ZNF280D: variants seen among roughly 807,000 people sequenced by gnomAD.
The protein encoded by ZNF280D is suppressor of hairy wing homolog 4.
Under a neutral mutation model 94.7 loss-of-function variants are expected in ZNF280D, and 39 were observed. The observed-to-expected ratio is 0.41, with a 90% CI of 0.32 to 0.54. The LOEUF is 0.54. Among genes scored for constraint, ZNF280D ranks in the 20% least tolerant of loss-of-function variants. ZNF280D has a pLI of 0.22. For synonymous variants in ZNF280D, 398 were observed against 377.6 expected, an observed-to-expected ratio of 1.05 and a Z score of -0.63; for missense variants, 1,090 against 1,149.3, an observed-to-expected ratio of 0.95 and a Z score of 0.75.
At chr15:56,719,263 G>T in intron 1 of ZNF280D, among the ~76,000 whole-genome samples, 1 of 152,026 alleles carries the variant, frequency 6.6e-6, no homozygotes, top group East Asian at 1.9e-4. Context: ...CTCACCAATG[G>T]CTTGGTGCTG....
intron 1 of ZNF280D, among the ~76,000 whole-genome samples, chr15:56,710,470 A>C (rs1249345055): frequency 6.6e-6 from 1 of 152,010 alleles, no homozygotes; most frequent in Non-Finnish European, 1.5e-5. Context: ...TTCAACTACT[A>C]ACTCAGGTAC....
chr15:56,716,045 C>T (rs1304081551), intron 1 of ZNF280D, among the ~76,000 whole-genome samples: 1 of 152,140 alleles, frequency 6.6e-6, no homozygotes, highest in African/African-American at 2.4e-5. Context: ...CCAAGTACTA[C>T]ACCATGTTAT....
intron 19 of ZNF280D, among the ~76,000 whole-genome samples, chr15:56,643,415 G>C (rs755148102): frequency 1.6e-4 from 24 of 151,570 alleles, no homozygotes; most frequent in South Asian, 2.1e-4. Flanking sequence ...AGTGAAAAAA[G>C]ATAAATATTT....
At chr15:56,688,006 C>A (rs1187030883) in intron 9 of ZNF280D, among the ~76,000 whole-genome samples, 1 of 151,964 alleles carries the variant, frequency 6.6e-6, no homozygotes, top group Non-Finnish European at 1.5e-5. Context: ...TCCTTCTTTT[C>A]CTTATATAAT....
chr15:56,652,828 G>T (rs1412762001), intron 19 of ZNF280D: 1 of 983,062 alleles, frequency 1.0e-6, no homozygotes, highest in Non-Finnish European at 1.2e-6. Flanking sequence ...AATGTTTAAT[G>T]GGCTTAGTAA....
At chr15:56,674,045 G>T (rs1426440307) in intron 13 of ZNF280D, among the ~76,000 whole-genome samples, 1 of 151,944 alleles carries the variant, frequency 6.6e-6, no homozygotes, top group African/African-American at 2.4e-5. Flanking sequence ...ATTCCAGAGG[G>T]CACAAACTTG....
chr15:56,654,377 A>G lies in ZNF280D; in HGVS notation c.2176+8T>C, dbSNP rs1455296158. 5 of 1,604,278 alleles carry G rather than the reference A, an allele frequency of 3.1e-6. No homozygotes were observed. The highest frequency in any genetic ancestry group is 4.2e-6 in the Non-Finnish European group (5 of 1,177,442). ...AAAATCTAAAGTAGCACAGTTACAT[A>G]TACGTACCTTTCTGCATTACAACTT... On this transcript the variant is annotated splice_region_variant and intron_variant, in intron 18 of 21. Transcript: ENST00000267807.
At chr15:56,705,932 AC>A (rs1223901057) in intron 3 of ZNF280D, among the ~76,000 whole-genome samples, 2 of 151,382 alleles carry the variant, frequency 1.3e-5, no homozygotes, top group African/African-American at 4.9e-5. Context: ...TATAGTAATA[AC>A]AAAAGTATTA....
intron 1 of ZNF280D, among the ~76,000 whole-genome samples, chr15:56,714,313 T>C (rs2057924080): frequency 6.6e-6 from 1 of 152,172 alleles, no homozygotes; most frequent in South Asian, 2.1e-4. Flanking sequence ...CTGTAGAAGA[T>C]AAATCTCACC....
chr15:56,680,880 A>G (rs2055569436), intron 10 of ZNF280D, among the ~76,000 whole-genome samples: 2 of 152,194 alleles, frequency 1.3e-5, no homozygotes, highest in Non-Finnish European at 2.9e-5. Context: ...CATTAAGTCA[A>G]TGAACCACAC....
intron 19 of ZNF280D, chr15:56,653,851 G>T: frequency 8.1e-7 from 1 of 1,239,126 alleles, no homozygotes; most frequent in African/African-American, 1.6e-5. Flanking sequence ...AAAAAAATAT[G>T]TTAAGATATG....
intron 1 of ZNF280D, among the ~76,000 whole-genome samples, chr15:56,718,592 C>G (rs1300700848): frequency 6.6e-6 from 1 of 152,164 alleles, no homozygotes; most frequent in Admixed American, 6.6e-5. Flanking sequence ...TTATTAAAAG[C>G]TTTAATACGA....
At chr15:56,693,469 G>A (rs1053569911) in intron 6 of ZNF280D, among the ~76,000 whole-genome samples, 1 of 151,946 alleles carries the variant, frequency 6.6e-6, no homozygotes, top group Non-Finnish European at 1.5e-5. Flanking sequence ...CTATTACTTA[G>A]AGCTGGTTTA....
chr15:56,695,858 G>A (rs1230222146), intron 6 of ZNF280D, among the ~76,000 whole-genome samples: 1 of 152,020 alleles, frequency 6.6e-6, no homozygotes, highest in African/African-American at 2.4e-5. Context: ...AATGTTCCAA[G>A]TAGAATGTTC....
Position 56,668,893 on chromosome 15 carries a change from T to G in ZNF280D, c.1475A>C (p.Asp492Ala). The part of the protein sequence containing the change: ...LQFLTCKEKM[D>A]HKTQHHRTFI... ...TGTTCGATGGTGTTGAGTCTTATGATCCATTTTCTCCTTGCATGTCAAAAA... is the reference window on the plus strand; with the variant it reads ...TGTTCGATGGTGTTGAGTCTTATGAGCCATTTTCTCCTTGCATGTCAAAAA... Residue 492 changes from aspartate to alanine, a missense_variant, in exon 14 of 22, where the codon GAT becomes GCT. Physicochemically the swap from Asp to Ala is moderately radical, Grantham distance 126. This residue lies in a region of ZNF280D where 127 missense variants were observed against 208.6 expected (regional missense o/e 0.61). Transcript: ENST00000267807. The G allele has an allele frequency of 6.2e-7, 1 of 1,612,450 alleles. No individual in the cohort carries two copies. Among genetic ancestry groups the G allele is most frequent in the South Asian group, 1.1e-5 (1 of 90,902 alleles).
At chr15:56,675,827 C>T (rs1488379771) in intron 13 of ZNF280D, among the ~76,000 whole-genome samples, 1 of 151,958 alleles carries the variant, frequency 6.6e-6, no homozygotes, top group African/African-American at 2.4e-5. Context: ...ATGTATTGAG[C>T]TTTGTAGTGA....
At chr15:56,720,140 A>G (rs1382176946) in intron 1 of ZNF280D, among the ~76,000 whole-genome samples, 1 of 152,210 alleles carries the variant, frequency 6.6e-6, no homozygotes, top group East Asian at 1.9e-4. Context: ...GATCCACAGT[A>G]GAACTCCTTT....
chr15:56,692,019 C>CT (rs1431194410), intron 7 of ZNF280D, among the ~76,000 whole-genome samples: 1 of 152,138 alleles, frequency 6.6e-6, no homozygotes, highest in African/African-American at 2.4e-5. Context: ...TAAAGTCCCA[C>CT]TCACTGAAGT....
chr15:56,674,688 A>C (rs1488534138), intron 13 of ZNF280D, among the ~76,000 whole-genome samples: 1 of 151,482 alleles, frequency 6.6e-6, no homozygotes, highest in African/African-American at 2.4e-5. Flanking sequence ...AAACAAGAAA[A>C]TGCATGTAAA....
Sources: allele counts gnomAD v4.1 joint callset (sites outside exome capture counted in the v4.1 genomes callset), GRCh38; gene constraint gnomAD v4.1.1; regional missense constraint gnomAD v4.1.1; transcripts MANE v1.5; gene names NCBI Gene and HGNC (gene_info 2026-07-23, HGNC 2026-07-21).